The following ALPL variants were observed in gnomAD, a reference collection of about 807,000 sequenced individuals.
ALPL encodes the protein alkaline phosphatase, biomineralization associated, also known as alkaline phosphatase, tissue-nonspecific isozyme.
Under a neutral mutation model 51.3 loss-of-function variants are expected in ALPL, and 42 were observed. That is an observed-to-expected ratio of 0.82 (90% CI 0.64 to 1.06). The LOEUF is 1.06. ALPL is among the 50% of genes least tolerant of loss of function. ALPL has a pLI of 0.00. For missense variants in ALPL, 589 were observed against 709.4 expected (o/e 0.83, Z 1.93); for synonymous variants, 279 against 296.4 (o/e 0.94, Z 0.60).
At chr1:21,549,878 G>A (rs541003735) in intron 1 of ALPL, among the ~76,000 whole-genome samples, 13 of 152,304 alleles carry the variant, frequency 8.5e-5, no homozygotes, top group Admixed American at 5.2e-4. Context: ...GATGGAACCC[G>A]TAGGTATAAA....
In ALPL at chr1:21,568,167, A is replaced by C; in HGVS notation, c.712A>C (p.Ser238Arg). 7.4e-6 allele frequency: 12 copies of C among 1,614,012 alleles called. No homozygotes were observed. The highest frequency in any genetic ancestry group is 9.3e-6 in the Non-Finnish European group (11 of 1,180,014). Residue 238 changes from serine (S) to arginine (R), a missense_variant, in exon 7 of 12, where the codon AGT (serine) becomes CGT (arginine). Ser to Arg is a moderately radical substitution (Grantham distance 110). Transcript: ENST00000374840. ...PKNKTDVEYE[S>R]DEKARGTRLD... ...GAATAAAACTGATGTGGAGTATGAG[A>C]GTGACGAGAAAGCCAGGGGCACGAG...
At position 21,525,716 on chromosome 1, in the gene ALPL, C is replaced by T. The variant is rs548308861; in HGVS notation, c.-105+16199C>T. On this transcript the variant is annotated intron_variant, in intron 1 of 11. Coordinates refer to ENST00000374840, the MANE Select transcript of ALPL (RefSeq NM_000478.6). ...CAAAGAGTGTGTGTAGGCTGGGCTC[C>T]GCGGCTCACGCCTGTAGTCCCAGCA... Among the ~76,000 whole-genome samples the T allele has an allele frequency of 1.4e-4, 21 of 152,078 alleles. No individual in the cohort carries two copies. The East Asian group carries it at 2.3e-3, about 17-fold the overall frequency.
intron 6 of ALPL, among the ~76,000 whole-genome samples, chr1:21,565,617 A>AG (rs886293967): frequency 9.1e-5 from 9 of 98,578 alleles, no homozygotes; most frequent in Admixed American, 3.5e-4. Context: ...GGAGATGAGG[A>AG]GGGGGGGCCG....
chr1:21,538,448 C>T (rs545405919), intron 1 of ALPL, among the ~76,000 whole-genome samples: 11 of 152,338 alleles, frequency 7.2e-5, no homozygotes, highest in African/African-American at 2.4e-4. Flanking sequence ...TCTCTGGGAA[C>T]ACCCGCGTCC....
chr1:21,548,249 C>A (rs1242243162), intron 1 of ALPL, among the ~76,000 whole-genome samples: 1 of 152,248 alleles, frequency 6.6e-6, no homozygotes, highest in African/African-American at 2.4e-5. Flanking sequence ...ACAGAGCAGC[C>A]AGGAGCCTCT....
At chr1:21,561,006 T>C (rs1644476783) in intron 3 of ALPL, 91 bp from the exon 4 acceptor site, 4 of 1,249,586 alleles carry the variant, frequency 3.2e-6, no homozygotes, top group African/African-American at 3.0e-5. Context: ...GAGCCTGCCT[T>C]GGTACCGAAC....
chr1:21,525,080 G>T (rs1044147904), intron 1 of ALPL, among the ~76,000 whole-genome samples: 11 of 152,242 alleles, frequency 7.2e-5, no homozygotes, highest in African/African-American at 1.7e-4. Context: ...GTGCTGGTTT[G>T]TGTGAGAACT....
intron 2 of ALPL, among the ~76,000 whole-genome samples, chr1:21,554,853 C>CT (rs1211401691): frequency 7.4e-6 from 1 of 134,676 alleles, no homozygotes; most frequent in South Asian, 2.5e-4. Context: ...TTCTTTCTTT[C>CT]TTTCTTTCTT....
chr1:21,539,193 G>A (rs1465324483), intron 1 of ALPL, among the ~76,000 whole-genome samples: 1 of 151,864 alleles, frequency 6.6e-6, no homozygotes, highest in African/African-American at 2.4e-5. Context: ...ATTCTGGCTC[G>A]CTCACTTACT....
intron 1 of ALPL, among the ~76,000 whole-genome samples, chr1:21,526,170 G>A: frequency 6.6e-6 from 1 of 152,006 alleles, no homozygotes; most frequent in Non-Finnish European, 1.5e-5. Context: ...TTGAGATGGA[G>A]TCTCTGTCTC....
intron 1 of ALPL, among the ~76,000 whole-genome samples, chr1:21,515,155 G>A (rs1184714482): frequency 6.6e-6 from 1 of 152,142 alleles, no homozygotes; most frequent in Non-Finnish European, 1.5e-5. Flanking sequence ...AAACTGCTGG[G>A]CAGAGCTCAG....
intron 8 of ALPL, 85 bp downstream of exon 8, chr1:21,570,459 C>G: frequency 1.4e-6 from 2 of 1,405,718 alleles, no homozygotes; most frequent in South Asian, 1.2e-5. Context: ...GGGACAAGGC[C>G]CTAGCCTGAC....
intron 10 of ALPL, among the ~76,000 whole-genome samples, chr1:21,576,218 TGATGGATGGATG>T (rs371658562): frequency 1.4e-5 from 2 of 142,402 alleles, no homozygotes; most frequent in African/African-American, 5.1e-5. Context: ...GATGGATGGA[TGATGGATGGATG>T]GATGGATGGA....
Position 21,575,788 on chromosome 1 carries a change from G to A in ALPL, c.1053G>A (p.Glu351=). The stretch of plus-strand genomic sequence containing the variant: ...GAAAAGCCAAGCAGGCCCTGCATGA[G>A]GCGGTGGAGATGGACCGGGCCATCG... ...HEGKAKQALH[E]AVEMDRAIGQ... The change falls in exon 10 of 12, where the codon GAG becomes GAA. Residue 351 remains glutamate (E), a synonymous_variant. Transcript: ENST00000374840. 6.2e-7 allele frequency: 1 copy of A among 1,614,252 alleles called. No homozygotes were observed. The highest frequency in any genetic ancestry group is 8.5e-7 in the Non-Finnish European group (1 of 1,180,052).
At chr1:21,509,089 C>T (rs1394548958), upstream of ALPL, among the ~76,000 whole-genome samples, 1 of 152,024 alleles carries the variant, frequency 6.6e-6, no homozygotes, top group Admixed American at 6.5e-5. This position sits in a 1 kb window ranked among gnomAD's most constrained non-coding sequence, Gnocchi z 6.0. Context: ...AAAGACAAAA[C>T]AGGAGACGCG....
intron 1 of ALPL, among the ~76,000 whole-genome samples, chr1:21,511,969 A>T (rs1643697114): frequency 6.6e-6 from 1 of 152,188 alleles, no homozygotes. Context: ...TGGGCATATG[A>T]GGCCTTTTAA....
intron 8 of ALPL, among the ~76,000 whole-genome samples, chr1:21,572,398 A>G (rs1259976314): frequency 6.6e-6 from 1 of 152,050 alleles, no homozygotes; most frequent in Non-Finnish European, 1.5e-5. Context: ...TCCTCATTAC[A>G]TGGTGGCTGG....
intron 1 of ALPL, among the ~76,000 whole-genome samples, chr1:21,520,248 C>T (rs1048729283): frequency 1.3e-5 from 2 of 151,674 alleles, no homozygotes; most frequent in Non-Finnish European, 1.5e-5. Flanking sequence ...CTCAGCCTCC[C>T]GAGTAGCTGG....
At chr1:21,540,026 TC>T (rs1644161664) in intron 1 of ALPL, among the ~76,000 whole-genome samples, 3 of 151,878 alleles carry the variant, frequency 2.0e-5, no homozygotes, top group Admixed American at 2.0e-4. Context: ...CCAGGGAGGC[TC>T]CCCCTGCAGA....
Sources: allele counts gnomAD v4.1 joint callset (sites outside exome capture counted in the v4.1 genomes callset), GRCh38; gene constraint gnomAD v4.1.1; non-coding constraint Gnocchi (gnomAD v3.1); transcripts MANE v1.5; gene names NCBI Gene and HGNC (gene_info 2026-07-23, HGNC 2026-07-21).